The following HERC1 variants were observed in gnomAD, a reference collection of about 807,000 sequenced individuals.
HERC1 encodes probable E3 ubiquitin-protein ligase HERC1.
Under a neutral mutation model 554.3 loss-of-function variants are expected in HERC1, and 160 were observed. The ratio of observed to expected loss-of-function variants is 0.29; its 90% confidence interval spans 0.25 to 0.33. The LOEUF (loss-of-function observed/expected upper bound fraction) is 0.33, where lower values mean the gene tolerates loss of function less well. HERC1 is among the 10% of genes least tolerant of loss of function. The probability of loss-of-function intolerance (pLI) is 1.00; values close to 1 mark genes in which losing one functional copy is unlikely to be tolerated. For synonymous variants in HERC1, 2,175 were observed against 2,131.7 expected, an observed-to-expected ratio of 1.02 and a Z score of -0.56; for missense variants, 4,919 against 5,918.5, an observed-to-expected ratio of 0.83 and a Z score of 5.54.
chr15:63,636,791 T>G (rs2068800439), intron 64 of HERC1, among the ~76,000 whole-genome samples: 1 of 152,202 alleles, frequency 6.6e-6, no homozygotes. Flanking sequence ...CATCCCATTT[T>G]TACAAGTGGG....
At chr15:63,776,145 T>G (rs1469325388) in intron 1 of HERC1, among the ~76,000 whole-genome samples, 1 of 152,210 alleles carries the variant, frequency 6.6e-6, no homozygotes, top group Non-Finnish European at 1.5e-5. Context: ...CTACAGCTGA[T>G]GACTCCCAAT....
At position 63,662,985 on chromosome 15, in the gene HERC1, C is replaced by T. The variant is rs2070435204; in HGVS notation, c.8900G>A (p.Trp2967Ter). 1 of 1,613,080 alleles carries T rather than the reference C, an allele frequency of 6.2e-7. No individual in the cohort carries two copies. Among genetic ancestry groups the T allele is most frequent in the Non-Finnish European group, 8.5e-7 (1 of 1,179,204 alleles). The change falls in exon 44 of 78, where the codon TGG (tryptophan) becomes TAG (stop). Residue 2967 changes from tryptophan (W) to a stop codon, truncating the protein, a stop_gained and splice_region_variant. Coordinates refer to ENST00000443617, the MANE Select transcript of HERC1 (RefSeq NM_003922.4). LOFTEE classifies it high-confidence loss of function. ...WIPEVLDWPT[W>*]HVCESEDREE... is the part of the protein sequence containing the mutation. The stretch of plus-strand genomic sequence containing the variant: ...AGCCCCCGCTGCAGTCACACACACC[C>T]AGGTAGGCCAATCCAGTACCTCTGG...
At chr15:63,829,576 T>TAC in intron 1 of HERC1, among the ~76,000 whole-genome samples, 1 of 138,926 alleles carries the variant, frequency 7.2e-6, no homozygotes, top group Admixed American at 7.3e-5. Context: ...TATATATATA[T>TAC]ATATATATAT....
At chr15:63,766,668 G>T (rs1361489712) in intron 2 of HERC1, among the ~76,000 whole-genome samples, 2 of 152,196 alleles carry the variant, frequency 1.3e-5, no homozygotes, top group Non-Finnish European at 1.5e-5. Context: ...TTAAAGGTTA[G>T]GGGTTTTTTT....
rs766914459 is a variant in HERC1, at chr15:63,659,835, C to T, written c.9325G>A (p.Val3109Ile). The T allele has an allele frequency of 6.8e-5, 109 of 1,613,862 alleles. 1 individual carries two copies. The South Asian group carries it at 9.0e-4, about 13-fold the overall frequency. The change falls in exon 47 of 78, where the codon GTA becomes ATA. Residue 3109 changes from valine (V) to isoleucine (I), a missense_variant. Around this residue, in one of 11 missense-constraint regions of HERC1, gnomAD observed 1,963 missense variants for 2,228.6 expected, o/e 0.88. Transcript: ENST00000443617. Reference protein sequence around the residue: ...GPLGLNDRRIVPEPVQFPDSD... With the variant: ...GPLGLNDRRIIPEPVQFPDSD... ...TCAGGGAACTGAACTGGTTCTGGTACAATGCGCCGGTCATTTAAACCAAGC... is the reference window on the plus strand; with the variant it reads ...TCAGGGAACTGAACTGGTTCTGGTATAATGCGCCGGTCATTTAAACCAAGC...
chr15:63,613,541 G>A (rs967462236), intron 76 of HERC1, among the ~76,000 whole-genome samples: 1 of 152,130 alleles, frequency 6.6e-6, no homozygotes, highest in Non-Finnish European at 1.5e-5. Context: ...CATACCTTAA[G>A]GAAGTGAGTA....
chr15:63,829,929 G>C (rs1304420629), intron 1 of HERC1, among the ~76,000 whole-genome samples: 1 of 151,944 alleles, frequency 6.6e-6, no homozygotes, highest in Non-Finnish European at 1.5e-5. Context: ...GATCCCATAA[G>C]AACACACTAA....
At position 63,612,687 on chromosome 15, in the gene HERC1, G is replaced by A. The variant is rs193220665; in HGVS notation, c.14095-131C>T. On this transcript the variant is annotated intron_variant, in intron 76 of 77. Coordinates refer to ENST00000443617, the MANE Select transcript of HERC1 (RefSeq NM_003922.4). The surrounding 1 kb of genome is among the most constrained non-coding windows in gnomAD (Gnocchi z 5.0). The stretch of plus-strand genomic sequence containing the variant: ...AGACCCTCTACTTGTTTCTCAGACC[G>A]CCAGGCACGAGAGTCAGTCAAAAAG... 1.2e-5 allele frequency: 10 copies of A among 815,964 alleles called. No individual in the cohort carries two copies. The highest frequency in any genetic ancestry group is 5.9e-5 in the Admixed American group (2 of 33,860). 50.5% of individuals were successfully genotyped at this position (815,964 alleles called of 1,614,324 possible).
chr15:63,696,713 T>G (rs2072434441), intron 26 of HERC1, among the ~76,000 whole-genome samples: 1 of 152,138 alleles, frequency 6.6e-6, no homozygotes. Flanking sequence ...ACACAGCTAT[T>G]GTGAAGCTCA....
intron 68 of HERC1, chr15:63,632,489 C>T (rs2068605795): frequency 3.3e-6 from 2 of 606,610 alleles, no homozygotes; most frequent in Admixed American, 5.1e-5. Context: ...AGCAAGAGTG[C>T]TGGCTCTGGC....
chr15:63,713,850 T>C, intron 22 of HERC1, 185 bp from the exon 23 acceptor site: 1 of 509,274 alleles, frequency 2.0e-6, no homozygotes, highest in East Asian at 3.2e-5. Flanking sequence ...ACTAAAATAC[T>C]ATATTTTCAT....
At chr15:63,663,265 C>T in intron 43 of HERC1, 61 bp from the exon 44 acceptor site, 1 of 1,450,548 alleles carries the variant, frequency 6.9e-7, no homozygotes, top group Non-Finnish European at 9.6e-7. Context: ...GAATATTTCG[C>T]CAGTTCTTAA....
rs1223407144 is a variant in HERC1 at position 63,675,043 on chromosome 15, A to T, written c.7145T>A (p.Val2382Glu). The change falls in exon 38 of 78, where the codon GTG becomes GAG. Residue 2382 changes from valine (V) to glutamate (E), a missense_variant. By Grantham distance (121) the Val-to-Glu change is moderately radical (BLOSUM62 -2). Coordinates refer to ENST00000443617, the MANE Select transcript of HERC1 (RefSeq NM_003922.4). Reference protein sequence around the residue: ...LEPCEPLPFDVARFRGLTASV... With the variant: ...LEPCEPLPFDEARFRGLTASV... ...AGCCGTCAGGCCTCGGAATCGCGCC[A>T]CATCAAACGGCAATGGTTCACAGGG... The T allele has an allele frequency of 6.2e-7, 1 of 1,613,922 alleles. No individual in the cohort carries two copies. Among genetic ancestry groups the T allele is most frequent in the African/African-American group, 1.3e-5 (1 of 74,942 alleles).
chr15:63,633,378 T>C (rs2068646413), intron 67 of HERC1, among the ~76,000 whole-genome samples: 1 of 152,238 alleles, frequency 6.6e-6, no homozygotes, highest in Admixed American at 6.5e-5. Context: ...AGAAATCTTC[T>C]ATAGTATGAA....
At chr15:63,740,428 G>A (rs1303255911) in intron 12 of HERC1, among the ~76,000 whole-genome samples, 1 of 152,144 alleles carries the variant, frequency 6.6e-6, no homozygotes, top group Non-Finnish European at 1.5e-5. Flanking sequence ...TGTTTTCAAT[G>A]CTCTTGGGTA....
chr15:63,659,923 C>A lies in HERC1; in HGVS notation c.9237G>T (p.Met3079Ile). Residue 3079 changes from methionine (M) to isoleucine (I), a missense_variant, in exon 47 of 78, where the codon ATG becomes ATT. By Grantham distance (10) the Met-to-Ile change is conservative (BLOSUM62 1). This residue lies in a region of HERC1 where 1,963 missense variants were observed against 2,228.6 expected (regional missense o/e 0.88). Transcript: ENST00000443617. The part of the protein sequence containing the change: ...QDSVYEEDWD[M>I]LDVDEDEKLT... ...GCTTTTCATCTTCATCAACATCCAA[C>A]ATGTCCCAGTCTTCTGGAATTTAAA... 1 of 1,609,690 alleles carries A rather than the reference C, an allele frequency of 6.2e-7. No homozygotes were observed.
At chr15:63,721,401 C>T (rs1444746796) in intron 19 of HERC1, among the ~76,000 whole-genome samples, 5 of 152,130 alleles carry the variant, frequency 3.3e-5, no homozygotes, top group Non-Finnish European at 7.4e-5. Flanking sequence ...TGGTGCAGGC[C>T]TGTAATCCCA....
chr15:63,802,836 G>A (rs1054696806), intron 1 of HERC1, among the ~76,000 whole-genome samples: 2 of 152,218 alleles, frequency 1.3e-5, no homozygotes, highest in Non-Finnish European at 2.9e-5. Context: ...GGTGAACAAA[G>A]CAATAATAGC....
intron 7 of HERC1, among the ~76,000 whole-genome samples, 183 bp from the exon 8 acceptor site, chr15:63,753,268 C>T (rs970203278): frequency 3.9e-5 from 6 of 152,116 alleles, no homozygotes; most frequent in Middle Eastern, 3.2e-3. Flanking sequence ...AAGTTAACAA[C>T]CACTGATAGC....
Sources: gnomAD v4.1 joint callset for allele counts (sites outside exome capture counted in the v4.1 genomes callset) on GRCh38, gnomAD v4.1.1 for gene constraint, gnomAD v4.1.1 regional missense constraint, Gnocchi (gnomAD v3.1) non-coding constraint, MANE v1.5 for transcripts, NCBI Gene and HGNC (gene_info 2026-07-23, HGNC 2026-07-21) for gene names.